Variants in BNC2 observed in about 807,000 individuals in gnomAD.
BNC2 encodes the protein basonuclin zinc finger protein 2, also known as zinc finger protein basonuclin-2.
In BNC2, 20 loss-of-function variants were observed where a neutral mutation model predicts 76.3. The ratio of observed to expected loss-of-function variants is 0.26; its 90% CI spans 0.18 to 0.38. The LOEUF is 0.38. BNC2 is among the 10% of genes least tolerant of loss of function. The pLI is 1.00. For synonymous variants in BNC2, 582 were observed against 514.8 expected (o/e 1.13, Z -1.77); for missense variants, 1,382 against 1,399.8 (o/e 0.99, Z 0.20).
intron 1 of BNC2, chr9:16,832,268 T>G: frequency 1.6e-6 from 2 of 1,283,992 alleles, no homozygotes; most frequent in Non-Finnish European, 2.0e-6. Flanking sequence ...ATCTAGAAGG[T>G]TCTTTGACGT....
intron 5 of BNC2, among the ~76,000 whole-genome samples, chr9:16,473,871 T>C (rs565614313): frequency 1.3e-5 from 2 of 152,118 alleles, no homozygotes; most frequent in Non-Finnish European, 2.9e-5. Flanking sequence ...AGACTCTGTC[T>C]CAAAAATAAA....
intron 5 of BNC2, among the ~76,000 whole-genome samples, chr9:16,492,110 T>C (rs187534803): frequency 1.3e-5 from 2 of 152,278 alleles, no homozygotes; most frequent in East Asian, 3.9e-4. Flanking sequence ...TTGAATGCTT[T>C]AGGGAGTCCT....
intron 5 of BNC2, among the ~76,000 whole-genome samples, chr9:16,495,732 C>G (rs907783729): frequency 3.3e-5 from 5 of 152,108 alleles, no homozygotes; most frequent in African/African-American, 9.7e-5. Context: ...GCTTAGAAAT[C>G]TGCACTTGAT....
intron 1 of BNC2, among the ~76,000 whole-genome samples, chr9:16,786,439 A>G (rs112393165): frequency 0.017 from 2,549 of 149,600 alleles, 68 homozygotes; most frequent in African/African-American, 0.056. Flanking sequence ...AAACGGAGGG[A>G]AAAAAAAAGT....
intron 1 of BNC2, among the ~76,000 whole-genome samples, chr9:16,826,989 G>A: frequency 6.6e-6 from 1 of 152,206 alleles, no homozygotes; most frequent in Admixed American, 6.5e-5. Flanking sequence ...GTTAATGTAT[G>A]TAACTTTTTT....
intron 1 of BNC2, among the ~76,000 whole-genome samples, chr9:16,751,995 C>T (rs954133511): frequency 6.6e-6 from 1 of 152,074 alleles, no homozygotes; most frequent in African/African-American, 2.4e-5. Flanking sequence ...CGCCACTGCA[C>T]TCCAGCCTGG....
At chr9:16,427,669 G>A (rs1476890593) in intron 6 of BNC2, among the ~76,000 whole-genome samples, 1 of 152,088 alleles carries the variant, frequency 6.6e-6, no homozygotes, top group Non-Finnish European at 1.5e-5. Flanking sequence ...GAGAGTGTTG[G>A]GTTCAAAATC....
intron 5 of BNC2, among the ~76,000 whole-genome samples, chr9:16,501,037 T>C (rs1822506258): frequency 6.6e-6 from 1 of 152,182 alleles, no homozygotes; most frequent in South Asian, 2.1e-4. Context: ...CACTTATAAC[T>C]ATATGATATT....
intron 1 of BNC2, among the ~76,000 whole-genome samples, chr9:16,744,391 AAAT>A (rs1292064912): frequency 6.6e-6 from 1 of 152,238 alleles, no homozygotes; most frequent in East Asian, 1.9e-4. Context: ...CAAATCCTAC[AAAT>A]AATGAATGCT....
chr9:16,863,910 TCTC>T (rs936090719), intron 1 of BNC2, among the ~76,000 whole-genome samples: 16 of 152,124 alleles, frequency 1.1e-4, no homozygotes, highest in African/African-American at 3.9e-4. Flanking sequence ...TAAAAACGGT[TCTC>T]CTAGTTTAAA....
chr9:16,549,946 C>T (rs10962483), intron 5 of BNC2, among the ~76,000 whole-genome samples: 19,847 of 151,826 alleles, frequency 0.13, 2,017 homozygotes, highest in African/African-American at 0.28. Flanking sequence ...CAATTTTAGA[C>T]TGAATGGAGA....
chr9:16,837,629 G>GT lies in BNC2; in HGVS notation c.3+33016dup, dbSNP rs1270657033. 2.0e-5 allele frequency among the ~76,000 whole-genome samples: 3 copies of GT among 152,338 alleles called. No homozygotes were observed. In the East Asian group the frequency reaches 5.8e-4, roughly 29 times the overall value. On this transcript the variant is annotated intron_variant, in intron 1 of 6. Transcript: ENST00000380672. ...AAGAGGAGGTTCTCAAATTATATTT[G>GT]TAGAATGAGATAAATAAAACCTCAG...
chr9:16,566,193 ATC>A (rs1315539849), intron 4 of BNC2, among the ~76,000 whole-genome samples: 1 of 152,190 alleles, frequency 6.6e-6, no homozygotes, highest in Admixed American at 6.5e-5. Flanking sequence ...GTTCCTACTT[ATC>A]TCAAGACCTT....
At chr9:16,606,396 C>T (rs890128065) in intron 3 of BNC2, among the ~76,000 whole-genome samples, 3 of 152,154 alleles carry the variant, frequency 2.0e-5, no homozygotes, top group African/African-American at 7.2e-5. Context: ...GTGTCCCCAA[C>T]CAAATCTCAT....
Position 16,498,015 on chromosome 9 carries a change from G to GTGTA in BNC2, c.669+54511_669+54514dup, listed in dbSNP as rs1249210669. The stretch of plus-strand genomic sequence containing the variant: ...TGTGTGTGTGTGTGTGTGTGTGTGT[G>GTGTA]TGTATGTATTCCACCATATATATAT... On this transcript the variant is annotated intron_variant, in intron 5 of 6. Coordinates refer to ENST00000380672, the MANE Select transcript of BNC2 (RefSeq NM_017637.6). Among the ~76,000 whole-genome samples, 101 of 140,566 alleles carry GTGTA rather than the reference G, an allele frequency of 7.2e-4. 1 individual carries two copies. The East Asian group carries it at 0.017, about 24-fold the overall frequency. The allele number at this position is 140,566 out of a possible 152,430, so 92.2% of individuals were successfully genotyped here. A position where few individuals can be genotyped will look rare whatever the true frequency, so the allele number is the denominator to read the frequency against.
At position 16,418,873 on chromosome 9, in the gene BNC2, G is replaced by GCGCACACA. The variant is rs139614646; in HGVS notation, c.*115_*116insTGTGTGCG. On this transcript the variant is annotated 3_prime_UTR_variant, in exon 7 of 7. Coordinates refer to ENST00000380672, the MANE Select transcript of BNC2 (RefSeq NM_017637.6). ...ATGTAGCCACAGAGCATACATAAAT[G>GCGCACACA]CACACACACACACACACACACACAC... 1.9e-4 allele frequency: 165 copies of GCGCACACA among 881,094 alleles called. No homozygotes were observed. Among genetic ancestry groups the GCGCACACA allele is most frequent in the East Asian group, 1.8e-3 (69 of 38,862 alleles). 54.6% of individuals were successfully genotyped at this position (881,094 alleles called of 1,614,324 possible).
intron 4 of BNC2, among the ~76,000 whole-genome samples, chr9:16,565,385 T>C (rs1819138623): frequency 6.6e-6 from 1 of 152,226 alleles, no homozygotes; most frequent in Admixed American, 6.5e-5. Context: ...CACATATTAC[T>C]AGCACTTTAC....
chr9:16,794,757 A>G (rs1817600472), intron 1 of BNC2, among the ~76,000 whole-genome samples: 1 of 152,170 alleles, frequency 6.6e-6, no homozygotes, highest in Admixed American at 6.5e-5. Flanking sequence ...GTTCTCTTCA[A>G]TTTTACACTT....
chr9:16,814,135 T>C (rs368118294), intron 1 of BNC2, among the ~76,000 whole-genome samples: 97 of 152,328 alleles, frequency 6.4e-4, no homozygotes, highest in African/African-American at 2.3e-3. Flanking sequence ...ATTTTGTAGG[T>C]TGCTCTGACA....
Sources: gnomAD v4.1 joint callset for allele counts (sites outside exome capture counted in the v4.1 genomes callset) on GRCh38, gnomAD v4.1.1 for gene constraint, MANE v1.5 for transcripts, NCBI Gene and HGNC (gene_info 2026-07-23, HGNC 2026-07-21) for gene names.